Variants in FAT2 observed in about 807,000 individuals in gnomAD.
FAT2 encodes FAT atypical cadherin 2.
A neutral mutation model predicts 295.3 loss-of-function variants in FAT2; 150 were observed. That is an observed-to-expected ratio of 0.51 (90% CI 0.44 to 0.58). The LOEUF is 0.58. Among genes scored for constraint, FAT2 ranks in the 20% least tolerant of loss-of-function variants. The pLI is 0.00. For synonymous variants in FAT2, 2,026 were observed against 2,150.3 expected (o/e 0.94, Z 1.60); for missense variants, 4,868 against 5,442.7 (o/e 0.89, Z 3.32).
chr5:151,561,017 C>T (rs1344506724), intron 3 of FAT2, among the ~76,000 whole-genome samples: 2 of 152,114 alleles, frequency 1.3e-5, no homozygotes, highest in African/African-American at 2.4e-5. Flanking sequence ...ACTTTGAAGT[C>T]TAGTGAGGGA....
rs774191244 is a variant in FAT2 at position 151,512,505 on chromosome 5, G to A, written c.11565C>T (p.Ile3855=). The change falls in exon 21 of 24, where the codon ATC becomes ATT. Residue 3855 remains isoleucine, a synonymous_variant. Coordinates refer to ENST00000261800, the MANE Select transcript of FAT2 (RefSeq NM_001447.3). The surrounding 1 kb of genome is among the most constrained non-coding windows in gnomAD (Gnocchi z 4.1). ...RHVNDHEWHS[I]LVEEMDASIR... is the part of the protein sequence containing the mutation. ...TGGAAGCGTCCATCTCCTCCACCAG[G>A]ATGGAGTGCCACTCGTGGTCATTCA... 6.2e-7 allele frequency: 1 copy of A among 1,614,176 alleles called. No individual in the cohort carries two copies. The highest frequency in any genetic ancestry group is 8.5e-7 in the Non-Finnish European group (1 of 1,180,026).
chr5:151,578,713 C>G (rs192900889), intron 1 of FAT2, among the ~76,000 whole-genome samples: 1 of 152,132 alleles, frequency 6.6e-6, no homozygotes, highest in Admixed American at 6.5e-5. Flanking sequence ...ATGGAATTAC[C>G]GTAAATGTCC....
chr5:151,566,809 TTAATC>T lies in FAT2; in HGVS notation c.2118_2122del (p.Ile707SerfsTer7). On this transcript the variant is annotated frameshift_variant, in exon 2 of 24. Transcript: ENST00000261800. LOFTEE classifies it high-confidence loss of function. ...GTCCTCAAACTGTGGGGTGTAATGA[TTAATC>T]TGATATGTGCTTAAAGAAGTGAATT... The T allele has an allele frequency of 6.2e-7, 1 of 1,614,176 alleles. No homozygotes were observed. The highest frequency in any genetic ancestry group is 8.5e-7 in the Non-Finnish European group (1 of 1,180,030).
intron 13 of FAT2, among the ~76,000 whole-genome samples, chr5:151,532,384 TACAAACAC>T (rs751205349): frequency 8.3e-5 from 6 of 72,396 alleles, no homozygotes; most frequent in Non-Finnish European, 1.5e-4. Context: ...AGTGTGCGTG[TACAAACAC>T]ACACACACAC....
chr5:151,572,984 T>A, intron 1 of FAT2, among the ~76,000 whole-genome samples: 1 of 152,258 alleles, frequency 6.6e-6, no homozygotes, highest in Non-Finnish European at 1.5e-5. Flanking sequence ...AGGGCACACA[T>A]GCATACTCAG....
upstream of FAT2, among the ~76,000 whole-genome samples, chr5:151,593,799 C>T (rs1052209682): frequency 6.6e-6 from 1 of 151,970 alleles, no homozygotes; most frequent in Admixed American, 6.6e-5. Context: ...GTCAGGAGGT[C>T]GAGACCATCC....
Position 151,542,649 on chromosome 5 carries a change from A to G in FAT2, c.8478T>C (p.Thr2826=). Residue 2826 remains threonine, a synonymous_variant, in exon 10 of 24, where the codon ACT becomes ACC. Coordinates refer to ENST00000261800, the MANE Select transcript of FAT2 (RefSeq NM_001447.3). Reference sequence around the variant, plus strand: ...TGTAGCTCACCTGGCCATCTCTCCCAGTGTCCTTGTCAATGGCAGTCACTT... The same window carrying G: ...TGTAGCTCACCTGGCCATCTCTCCCGGTGTCCTTGTCAATGGCAGTCACTT... ...VIQVTAIDKD[T]GRDGQVSYRL... The G allele has an allele frequency of 6.2e-7, 1 of 1,614,218 alleles. No individual in the cohort carries two copies.
chr5:151,556,489 C>T, intron 3 of FAT2, 87 bp from the exon 4 acceptor site: 1 of 848,134 alleles, frequency 1.2e-6, no homozygotes, highest in Non-Finnish European at 1.9e-6. Flanking sequence ...ACATTCAAAT[C>T]TCAGATAAGA....
intron 20 of FAT2, among the ~76,000 whole-genome samples, chr5:151,513,870 T>G (rs1246578967): frequency 6.6e-6 from 1 of 152,256 alleles, no homozygotes; most frequent in Non-Finnish European, 1.5e-5. Flanking sequence ...ACTGAATATG[T>G]TGATAGTTAT....
At chr5:151,524,623 CT>C (rs1753808576) in intron 18 of FAT2, among the ~76,000 whole-genome samples, 1 of 152,214 alleles carries the variant, frequency 6.6e-6, no homozygotes, top group Non-Finnish European at 1.5e-5. Flanking sequence ...GTCAGTGCTT[CT>C]CTCACTCTCA....
intron 1 of FAT2, among the ~76,000 whole-genome samples, chr5:151,585,691 C>T (rs1458939435): frequency 6.6e-6 from 1 of 152,184 alleles, no homozygotes; most frequent in Non-Finnish European, 1.5e-5. Context: ...ACTACCAGGA[C>T]AGAGTAGAGA....
chr5:151,563,502 T>A lies in FAT2; in HGVS notation c.3397A>T (p.Asn1133Tyr), dbSNP rs1267559711. Residue 1133 changes from asparagine to tyrosine, a missense_variant, in exon 3 of 24, where the codon AAC becomes TAC. Physicochemically the swap from Asn to Tyr is moderately radical, Grantham distance 143 (BLOSUM62 -2). Transcript: ENST00000261800. The part of the protein sequence containing the change: ...VYIEVTDAND[N>Y]PPQMSQAVFY... ...ACAGCTTGGGACATCTGGGGTGGGT[T>A]GTCATTGGCATCCGTAACCTCGATG... 24 of 1,614,026 alleles carry A rather than the reference T, an allele frequency of 1.5e-5. No individual in the cohort carries two copies. The highest frequency in any genetic ancestry group is 1.9e-5 in the Non-Finnish European group (23 of 1,180,034).
Position 151,554,441 on chromosome 5 carries a change from T to G in FAT2, c.3866A>C (p.Glu1289Ala). The G allele has an allele frequency of 6.2e-7, 1 of 1,614,228 alleles. No individual in the cohort carries two copies. Among genetic ancestry groups the G allele is most frequent in the Non-Finnish European group, 8.5e-7 (1 of 1,180,038 alleles). The change falls in exon 5 of 24, where the codon GAG becomes GCG. Residue 1289 changes from glutamate to alanine, a missense_variant. This residue lies in a region of FAT2 where 3,297 missense variants were observed against 3,669.4 expected (regional missense o/e 0.90). Transcript: ENST00000261800. ...VTYSIEDSDE[E>A]AFSIDLVTGV... is the part of the protein sequence containing the mutation. ...TGTGACCAGGTCGATACTGAAGGCC[T>G]CCTCATCGCTGTCCTCGATACTGTA...
intron 15 of FAT2, 59 bp from the exon 16 acceptor site, chr5:151,528,192 CA>C: frequency 6.3e-7 from 1 of 1,590,958 alleles, no homozygotes; most frequent in Non-Finnish European, 8.6e-7. Flanking sequence ...CCTGGGAGTA[CA>C]GGGGGAAACA....
chr5:151,592,943 T>TG (rs1759468857), upstream of FAT2, among the ~76,000 whole-genome samples: 2 of 152,222 alleles, frequency 1.3e-5, no homozygotes, highest in Admixed American at 6.5e-5. Context: ...CACTGTGAGT[T>TG]GTGCCTTCAG....
chr5:151,542,160 A>T, intron 10 of FAT2, 125 bp downstream of exon 10: 1 of 835,134 alleles, frequency 1.2e-6, no homozygotes. Context: ...CTAGGGGGTT[A>T]AGTGTGCCCA....
chr5:151,522,293 T>C, intron 18 of FAT2: 2 of 542,520 alleles, frequency 3.7e-6, no homozygotes, highest in Non-Finnish European at 6.5e-6. Flanking sequence ...TTTGTAGAGA[T>C]TGAAGGAGGG....
rs755067306 is a variant in FAT2 at position 151,512,487 on chromosome 5, G to A, written c.11583C>T (p.Asp3861=). ...EWHSILVEEM[D]ASIRLMVDSM... ...TGTCAACCATCAGGCGAATGGAAGC[G>A]TCCATCTCCTCCACCAGGATGGAGT... The change falls in exon 21 of 24, where the codon GAC becomes GAT. Residue 3861 remains aspartate, a synonymous_variant. Coordinates refer to ENST00000261800, the MANE Select transcript of FAT2 (RefSeq NM_001447.3). The surrounding 1 kb of genome is among the most constrained non-coding windows in gnomAD (Gnocchi z 4.1). 5 of 1,614,066 alleles carry A rather than the reference G, an allele frequency of 3.1e-6. No homozygotes were observed. Among genetic ancestry groups the A allele is most frequent in the African/African-American group, 2.7e-5 (2 of 74,918 alleles).
chr5:151,532,527 A>G (rs1754763500), intron 13 of FAT2, among the ~76,000 whole-genome samples: 1 of 152,200 alleles, frequency 6.6e-6, no homozygotes, highest in Non-Finnish European at 1.5e-5. Context: ...TCCTACTGCT[A>G]TGTAAGATGC....
Sources: gnomAD v4.1 joint callset for allele counts (sites outside exome capture counted in the v4.1 genomes callset) on GRCh38, gnomAD v4.1.1 for gene constraint, gnomAD v4.1.1 regional missense constraint, Gnocchi (gnomAD v3.1) non-coding constraint, MANE v1.5 for transcripts, NCBI Gene and HGNC (gene_info 2026-07-23, HGNC 2026-07-21) for gene names.